PCBP3: variants seen among roughly 807,000 people sequenced by gnomAD.
The protein encoded by PCBP3 is poly(rC) binding protein 3.
PCBP3 carries 25 observed loss-of-function variants against 52.7 expected under a neutral mutation model. The ratio of observed to expected loss-of-function variants is 0.47; its 90% CI spans 0.35 to 0.66. PCBP3 has a LOEUF of 0.66. PCBP3 is among the 30% of genes least tolerant of loss of function. PCBP3 has a pLI of 0.01. For synonymous variants in PCBP3, 162 were observed against 183.0 expected (o/e 0.89, Z 0.93); for missense variants, 391 against 490.3 (o/e 0.80, Z 1.91).
chr21:45,862,877 A>G (rs750924131), intron 5 of PCBP3, among the ~76,000 whole-genome samples: 5 of 152,204 alleles, frequency 3.3e-5, no homozygotes, highest in Non-Finnish European at 4.4e-5. Context: ...GGATCAAGGT[A>G]AGAAGCCTGT....
chr21:45,668,099 G>T (rs2080925823), intron 1 of PCBP3, among the ~76,000 whole-genome samples: 1 of 152,090 alleles, frequency 6.6e-6, no homozygotes, highest in Admixed American at 6.5e-5. Flanking sequence ...GAGTCTCAAT[G>T]TCAGCTCAGT....
At chr21:45,703,414 C>T (rs1013592290) in intron 2 of PCBP3, among the ~76,000 whole-genome samples, 4 of 152,188 alleles carry the variant, frequency 2.6e-5, no homozygotes, top group Non-Finnish European at 4.4e-5. Context: ...GCGGTGTTAA[C>T]GGGCATGAAA....
At chr21:45,925,160 G>T (rs1290759308) in intron 13 of PCBP3, among the ~76,000 whole-genome samples, 2 of 146,902 alleles carry the variant, frequency 1.4e-5, no homozygotes, top group East Asian at 4.0e-4. Context: ...CGAACACCAG[G>T]AACAGTCGAG....
At chr21:45,755,334 A>T (rs761595824) in intron 3 of PCBP3, among the ~76,000 whole-genome samples, 83 bp from the exon 4 acceptor site, 3 of 152,376 alleles carry the variant, frequency 2.0e-5, no homozygotes, top group Middle Eastern at 3.4e-3. Context: ...TTGGAGATTT[A>T]CAGTTTTAGA....
chr21:45,903,740 C>T (rs1442274066), intron 9 of PCBP3, among the ~76,000 whole-genome samples: 1 of 152,180 alleles, frequency 6.6e-6, no homozygotes, highest in East Asian at 1.9e-4. Context: ...ACAAATCAGA[C>T]AGAGGTCTTG....
chr21:45,833,144 C>T (rs778482653), intron 4 of PCBP3, among the ~76,000 whole-genome samples: 2 of 152,204 alleles, frequency 1.3e-5, no homozygotes, highest in Non-Finnish European at 2.9e-5. Flanking sequence ...CACCCCCATC[C>T]AGCAGACGGA....
At chr21:45,881,060 T>C (rs2095392167) in intron 5 of PCBP3, among the ~76,000 whole-genome samples, 1 of 152,226 alleles carries the variant, frequency 6.6e-6, no homozygotes, top group Non-Finnish European at 1.5e-5. Context: ...CTTTCCTGGC[T>C]GGCCTTCATC....
rs1307856532 is a variant in PCBP3 at position 45,737,368 on chromosome 21, AC to A, written c.-162+1940del. Among the ~76,000 whole-genome samples, 1 of 152,214 alleles carries A rather than the reference AC, an allele frequency of 6.6e-6. No homozygotes were observed. The highest frequency in any genetic ancestry group is 1.5e-5 in the Non-Finnish European group (1 of 68,030). The stretch of plus-strand genomic sequence containing the variant: ...GCCTTGGGGCCAACTTTGTAATCTT[AC>A]AAATCTGGATCTAATTTTCACCAAA... On this transcript the variant is annotated intron_variant, in intron 3 of 17. Transcript: ENST00000681687. The surrounding 1 kb of genome is among the most constrained non-coding windows in gnomAD (Gnocchi z 4.9).
At chr21:45,738,313 G>GGAGTGAA (rs2086047829) in intron 3 of PCBP3, among the ~76,000 whole-genome samples, 1 of 148,616 alleles carries the variant, frequency 6.7e-6, no homozygotes, top group African/African-American at 2.5e-5. Context: ...GGAGTGCAGT[G>GGAGTGAA]GTGCCATCTT....
At chr21:45,682,129 T>C (rs1298419042) in intron 2 of PCBP3, among the ~76,000 whole-genome samples, 1 of 152,208 alleles carries the variant, frequency 6.6e-6, no homozygotes, top group Non-Finnish European at 1.5e-5. Context: ...GTTAAAGTTT[T>C]CTGTCTTGCT....
At chr21:45,934,023 G>T (rs2076610260) in intron 15 of PCBP3, among the ~76,000 whole-genome samples, 1 of 152,168 alleles carries the variant, frequency 6.6e-6, no homozygotes, top group Non-Finnish European at 1.5e-5. Context: ...ACCATTGGAG[G>T]TGCATTTTGG....
intron 4 of PCBP3, among the ~76,000 whole-genome samples, chr21:45,766,751 A>G (rs1264103621): frequency 6.6e-6 from 1 of 152,200 alleles, no homozygotes; most frequent in African/African-American, 2.4e-5. Context: ...TCCTCTCAAC[A>G]GGAAAGGTGT....
chr21:45,929,565 G>C lies in PCBP3; in HGVS notation c.718-352G>C, dbSNP rs1300841580. On this transcript the variant is annotated intron_variant, in intron 13 of 17. Coordinates refer to ENST00000681687, the MANE Select transcript of PCBP3 (RefSeq NM_001384156.1). ...CTAGAAGTGCAGCTGGTCTTCATCT[G>C]TGGCTCCTGGACTCCCCCAGACTCT... Among the ~76,000 whole-genome samples, 3 of 152,238 alleles carry C rather than the reference G, an allele frequency of 2.0e-5. No individual in the cohort carries two copies. The East Asian group carries it at 5.8e-4, about 29-fold the overall frequency.
intron 2 of PCBP3, among the ~76,000 whole-genome samples, chr21:45,673,922 T>G (rs2081317264): frequency 6.6e-6 from 1 of 152,110 alleles, no homozygotes; most frequent in African/African-American, 2.4e-5. Context: ...ATAATTATCC[T>G]TAAGCAAAAA....
In PCBP3 at chr21:45,755,630, A is replaced by G. The variant is rs967511800; in HGVS notation, c.-126+178A>G. Among the ~76,000 whole-genome samples the G allele has an allele frequency of 3.3e-5, 5 of 152,164 alleles. No homozygotes were observed. In the South Asian group the frequency reaches 6.2e-4, roughly 19 times the overall value. On this transcript the variant is annotated intron_variant, in intron 4 of 17. Coordinates refer to ENST00000681687, the MANE Select transcript of PCBP3 (RefSeq NM_001384156.1). ...TTTTCTCCTTTCTAGTGGGCATGTA[A>G]TGGTGTCACATTATAGTTTTAATTT...
chr21:45,647,821 G>A (rs1386663225), intron 1 of PCBP3, among the ~76,000 whole-genome samples: 1 of 152,176 alleles, frequency 6.6e-6, no homozygotes, highest in Non-Finnish European at 1.5e-5. Flanking sequence ...TCAGGACTAT[G>A]TTATGTTACA....
rs1242614639 is a variant in PCBP3, at chr21:45,805,582, C to T, written c.-125-44379C>T. ...AACGGCACATACAGGTGCCTAAAAT[C>T]GAGCTAGGGGACCTTGAAGATAATG... On this transcript the variant is annotated intron_variant, in intron 4 of 17. Transcript: ENST00000681687. This position sits in a 1 kb window ranked among gnomAD's most constrained non-coding sequence, Gnocchi z 4.6. Among the ~76,000 whole-genome samples, 2 of 152,186 alleles carry T rather than the reference C, an allele frequency of 1.3e-5. No individual in the cohort carries two copies. The highest frequency in any genetic ancestry group is 2.4e-5 in the African/African-American group (1 of 41,440).
At chr21:45,706,891 A>G (rs1002469947) in intron 2 of PCBP3, among the ~76,000 whole-genome samples, 2 of 152,224 alleles carry the variant, frequency 1.3e-5, no homozygotes, top group African/African-American at 2.4e-5. Flanking sequence ...TTCTCTCTGC[A>G]ACTTGGATCA....
At chr21:45,789,610 C>T (rs747057553) in intron 4 of PCBP3, among the ~76,000 whole-genome samples, 7 of 152,134 alleles carry the variant, frequency 4.6e-5, no homozygotes, top group Admixed American at 1.3e-4. Flanking sequence ...GAGGACAACC[C>T]GGGGCCAGTG....
Sources: allele counts gnomAD v4.1 joint callset (sites outside exome capture counted in the v4.1 genomes callset), GRCh38; gene constraint gnomAD v4.1.1; non-coding constraint Gnocchi (gnomAD v3.1); transcripts MANE v1.5; gene names NCBI Gene and HGNC (gene_info 2026-07-23, HGNC 2026-07-21).